CDX2: variants seen among roughly 807,000 people sequenced by gnomAD.
CDX2 encodes the protein caudal type homeobox 2, also known as homeobox protein CDX-2.
Under a neutral mutation model 25.5 loss-of-function variants are expected in CDX2, and 7 were observed. That is an observed-to-expected ratio of 0.27 (90% confidence interval 0.16 to 0.52). CDX2 has a LOEUF of 0.52. Ranked by LOEUF, CDX2 falls within the 20% of genes least tolerant of loss-of-function variation. The pLI, the probability that CDX2 is intolerant of heterozygous loss-of-function variation, is 0.97. For missense variants in CDX2, 375 were observed against 431.4 expected (o/e 0.87, Z 1.16); for synonymous variants, 222 against 198.6 (o/e 1.12, Z -0.99).
chr13:27,969,214 CTTCCTTCT>C lies in CDX2; in HGVS notation c.-216_-209del, dbSNP rs776387580. 63 of 553,618 alleles carry C rather than the reference CTTCCTTCT, an allele frequency of 1.1e-4. No individual in the cohort carries two copies. Among genetic ancestry groups the C allele is most frequent in the Non-Finnish European group, 1.8e-4 (56 of 315,366 alleles). The allele number at this position is 553,618 out of a possible 1,614,324, so 34.3% of individuals were successfully genotyped here. A position where few individuals can be genotyped will look rare whatever the true frequency, so the allele number is the denominator to read the frequency against. Reference sequence around the variant, plus strand: ...GCCTGCCTCCTCCCTCCCTCCCTTTCTTCCTTCTTTCCTCCCACCTCCTTCCCACTAGG... The same window carrying C: ...GCCTGCCTCCTCCCTCCCTCCCTTTCTTCCTCCCACCTCCTTCCCACTAGG... On this transcript the variant is annotated 5_prime_UTR_variant, in exon 1 of 3. Coordinates refer to ENST00000381020, the MANE Select transcript of CDX2 (RefSeq NM_001265.6).
chr13:27,966,724 G>C (rs1869346234), intron 1 of CDX2, among the ~76,000 whole-genome samples: 1 of 152,154 alleles, frequency 6.6e-6, no homozygotes, highest in Non-Finnish European at 1.5e-5. Context: ...CCTAGGAGCG[G>C]GGCTATGGAG....
In CDX2 at chr13:27,965,002, C is replaced by A. The variant is rs747590531; in HGVS notation, c.555G>T (p.Thr185=). The A allele has an allele frequency of 6.2e-7, 1 of 1,613,920 alleles. No homozygotes were observed. Among genetic ancestry groups the A allele is most frequent in the African/African-American group, 1.3e-5 (1 of 74,930 alleles). The change falls in exon 2 of 3, where the codon ACG becomes ACT. Residue 185 remains threonine (T), a synonymous_variant. Transcript: ENST00000381020. The stretch of plus-strand genomic sequence containing the variant: ...TGTACACCACTCGATATTTGTCTTT[C>A]GTCCTGGTTTTCACTGTGGAGGAAG... ...QSLGSQVKTR[T]KDKYRVVYTD...
In CDX2 at chr13:27,969,155, G is replaced by C; in HGVS notation, c.-149C>G. The stretch of plus-strand genomic sequence containing the variant: ...CCGCGGTGCTCCGCTGGCTCCTCGC[G>C]GCTCTTCTGCCTCCGAGGCGGTCCC... On this transcript the variant is annotated 5_prime_UTR_variant, in exon 1 of 3. Transcript: ENST00000381020. 1 of 579,716 alleles carries C rather than the reference G, an allele frequency of 1.7e-6. No individual in the cohort carries two copies. The highest frequency in any genetic ancestry group is 3.0e-6 in the Non-Finnish European group (1 of 337,574). 35.9% of individuals were successfully genotyped at this position (579,716 alleles called of 1,614,324 possible).
intron 1 of CDX2, among the ~76,000 whole-genome samples, chr13:27,967,577 A>T (rs1869396704): frequency 6.6e-6 from 1 of 152,162 alleles, no homozygotes; most frequent in Admixed American, 6.5e-5. Flanking sequence ...GAAGGGGCAG[A>T]CCCAGAGTCA....
intron 1 of CDX2, among the ~76,000 whole-genome samples, chr13:27,967,572 G>A (rs1328693770): frequency 6.6e-6 from 1 of 152,134 alleles, no homozygotes. Flanking sequence ...CACCAGAAGG[G>A]GCAGACCCAG....
intron 1 of CDX2, among the ~76,000 whole-genome samples, 182 bp downstream of exon 1, chr13:27,968,284 G>A (rs909402761): frequency 6.6e-6 from 1 of 152,238 alleles, no homozygotes; most frequent in African/African-American, 2.4e-5. Context: ...GGCTCAGTAG[G>A]TCAGAGAAGC....
In CDX2 at chr13:27,961,025, C is replaced by A. The variant is rs1054392907; in HGVS notation, c.*2090G>T. Among the ~76,000 whole-genome samples, 2 of 151,948 alleles carry A rather than the reference C, an allele frequency of 1.3e-5. No homozygotes were observed. The highest frequency in any genetic ancestry group is 4.8e-5 in the African/African-American group (2 of 41,376). On this transcript the variant is annotated 3_prime_UTR_variant, in exon 3 of 3. Transcript: ENST00000381020. ...CGCGGCCGGGGCGCGGGGAGACCTG[C>A]GGGGCACCGGGGCTCAGACCGGCCC...
At chr13:27,966,930 G>A (rs1194805843) in intron 1 of CDX2, among the ~76,000 whole-genome samples, 6 of 150,828 alleles carry the variant, frequency 4.0e-5, no homozygotes, top group Non-Finnish European at 7.4e-5. Context: ...CGCGGGCTGC[G>A]GCCACCCCAC....
rs1869035516 is a variant in CDX2 at position 27,961,333 on chromosome 13, C to T, written c.*1782G>A. Among the ~76,000 whole-genome samples, 1 of 152,248 alleles carries T rather than the reference C, an allele frequency of 6.6e-6. No individual in the cohort carries two copies. The highest frequency in any genetic ancestry group is 6.5e-5 in the Admixed American group (1 of 15,286). On this transcript the variant is annotated 3_prime_UTR_variant, in exon 3 of 3. Transcript: ENST00000381020. ...TGCCCTTAAGGCGCCTCCGTGGGCG[C>T]GCTGATTAGGCTCTCGGATGTTGGT...
chr13:27,969,170 G>T lies in CDX2; in HGVS notation c.-164C>A. The T allele has an allele frequency of 1.8e-6, 1 of 563,926 alleles. No homozygotes were observed. The allele number at this position is 563,926 out of a possible 1,614,324, so 34.9% of individuals were successfully genotyped here. A position where few individuals can be genotyped will look rare whatever the true frequency, so the allele number is the denominator to read the frequency against. On this transcript the variant is annotated 5_prime_UTR_variant, in exon 1 of 3. Transcript: ENST00000381020. ...GGCTCCTCGCGGCTCTTCTGCCTCC[G>T]AGGCGGTCCCTCCCTCTGGCCTGCC... is the stretch of plus-strand genomic sequence containing the variant.
chr13:27,963,144 C>T lies in CDX2; in HGVS notation c.913G>A (p.Gly305Arg), dbSNP rs746813587. The stretch of plus-strand genomic sequence containing the variant: ...TGGGTGACGGTGGGGTTTAGCACCC[C>T]CCCAGTTGGCCCCAGAACCCCAGGG... ...SVPGVLGPTGGVLNPTVTQ is the reference protein window; with the variant it reads ...SVPGVLGPTGRVLNPTVTQ The change falls in exon 3 of 3, where the codon GGG becomes AGG. Residue 305 changes from glycine (G) to arginine (R), a missense_variant. By Grantham distance (125) the Gly-to-Arg change is moderately radical. Coordinates refer to ENST00000381020, the MANE Select transcript of CDX2 (RefSeq NM_001265.6). The T allele has an allele frequency of 6.8e-6, 11 of 1,614,030 alleles. No homozygotes were observed. The South Asian group carries it at 1.2e-4, about 18-fold the overall frequency.
chr13:27,968,429 C>T, intron 1 of CDX2, 37 bp downstream of exon 1: 1 of 1,467,822 alleles, frequency 6.8e-7, no homozygotes, highest in Non-Finnish European at 8.9e-7. Context: ...CCCGCGCCTT[C>T]CCAAGCACCC....
Position 27,964,976 on chromosome 13 carries a change from G to A in CDX2, c.581C>T (p.Thr194Met), listed in dbSNP as rs1401392457. The A allele has an allele frequency of 5.0e-6, 8 of 1,613,970 alleles. No individual in the cohort carries two copies. Among genetic ancestry groups the A allele is most frequent in the East Asian group, 2.2e-5 (1 of 44,868 alleles). Reference sequence around the variant, plus strand: ...CTCCAGCTCCAGCCGCTGGTGGTCCGTGTACACCACTCGATATTTGTCTTT... The same window carrying A: ...CTCCAGCTCCAGCCGCTGGTGGTCCATGTACACCACTCGATATTTGTCTTT... ...RTKDKYRVVYTDHQRLELEKE... is the reference protein window; with the variant it reads ...RTKDKYRVVYMDHQRLELEKE... Residue 194 changes from threonine (T) to methionine (M), a missense_variant, in exon 2 of 3, where the codon ACG (threonine) becomes ATG (methionine). Thr to Met is a moderately conservative substitution (Grantham distance 81). This residue lies in a region of CDX2 where 64 missense variants were observed against 124.6 expected (regional missense o/e 0.51). Coordinates refer to ENST00000381020, the MANE Select transcript of CDX2 (RefSeq NM_001265.6). The surrounding 1 kb of genome is among the most constrained non-coding windows in gnomAD (Gnocchi z 4.7).
At position 27,964,757 on chromosome 13, in the gene CDX2, C is replaced by T. The variant is rs1387772883; in HGVS notation, c.687+113G>A. ...GGACTCCAAAGACGAATGCTTGCAT[C>T]CTCCTGCTTCAGTCTCTCCACAGAT... On this transcript the variant is annotated intron_variant, in intron 2 of 2. Transcript: ENST00000381020. The surrounding 1 kb of genome is among the most constrained non-coding windows in gnomAD (Gnocchi z 4.7). The T allele has an allele frequency of 3.3e-6, 3 of 899,588 alleles. No homozygotes were observed. Among genetic ancestry groups the T allele is most frequent in the Non-Finnish European group, 3.4e-6 (2 of 585,704 alleles). The allele number at this position is 899,588 out of a possible 1,614,324, so 55.7% of individuals were successfully genotyped here.
chr13:27,967,317 C>A, intron 1 of CDX2: 2 of 518,036 alleles, frequency 3.9e-6, no homozygotes, highest in Non-Finnish European at 3.8e-6. Flanking sequence ...CTCTCCCTAG[C>A]ATGTGCACAG....
intron 1 of CDX2, 136 bp from the exon 2 acceptor site, chr13:27,965,151 C>A: frequency 1.2e-6 from 1 of 865,646 alleles, no homozygotes; most frequent in Non-Finnish European, 1.8e-6. Context: ...TGGTTCCTGC[C>A]AAGTCTGACA....
chr13:27,968,376 C>T, intron 1 of CDX2, 90 bp downstream of exon 1: 3 of 1,353,148 alleles, frequency 2.2e-6, no homozygotes, highest in Non-Finnish European at 2.8e-6. Context: ...CGGGACGCCC[C>T]TGTGCGCACT....
chr13:27,962,995 C>G lies in CDX2; in HGVS notation c.*120G>C. On this transcript the variant is annotated 3_prime_UTR_variant, in exon 3 of 3. Coordinates refer to ENST00000381020, the MANE Select transcript of CDX2 (RefSeq NM_001265.6). ...TGGCTCCCATTTTTCCTCTGAGAGC[C>G]AGGTCTGTAGGTCTATGGCTGTGGG... 1 of 1,253,680 alleles carries G rather than the reference C, an allele frequency of 8.0e-7. No homozygotes were observed. The allele number at this position is 1,253,680 out of a possible 1,614,324, so 77.7% of individuals were successfully genotyped here. A position where few individuals can be genotyped will look rare whatever the true frequency, so the allele number is the denominator to read the frequency against.
intron 1 of CDX2, among the ~76,000 whole-genome samples, 173 bp from the exon 2 acceptor site, chr13:27,965,188 G>A (rs1343643188): frequency 2.0e-5 from 3 of 152,186 alleles, no homozygotes; most frequent in East Asian, 1.9e-4. Context: ...CCTGTGGGGG[G>A]AGGGTATGAG....
Sources: allele counts gnomAD v4.1 joint callset (sites outside exome capture counted in the v4.1 genomes callset), GRCh38; gene constraint gnomAD v4.1.1; regional missense constraint gnomAD v4.1.1; non-coding constraint Gnocchi (gnomAD v3.1); transcripts MANE v1.5; gene names NCBI Gene and HGNC (gene_info 2026-07-23, HGNC 2026-07-21).